Variants in SETD3 observed in about 807,000 individuals in gnomAD.
SETD3 encodes the protein SET domain containing 3, actin N3(tau)-histidine methyltransferase.
SETD3 carries 19 observed loss-of-function variants against 63.0 expected under a neutral mutation model. That is an observed-to-expected ratio of 0.30 (90% confidence interval 0.21 to 0.44). The LOEUF (loss-of-function observed/expected upper bound fraction) is 0.44, where lower values mean the gene tolerates loss of function less well. Ranked by LOEUF, SETD3 falls within the 20% of genes least tolerant of loss-of-function variation. SETD3 has a pLI of 1.00. For synonymous variants in SETD3, 286 were observed against 264.1 expected (o/e 1.08, Z -0.80); for missense variants, 587 against 728.5 (o/e 0.81, Z 2.24).
rs1465481392 is a variant in SETD3, at chr14:99,401,710, C to G, written c.1178-1451G>C. Among the ~76,000 whole-genome samples the G allele has an allele frequency of 2.0e-5, 3 of 152,256 alleles. No homozygotes were observed. The East Asian group carries it at 5.8e-4, about 29-fold the overall frequency. ...GTCATTTTATATTCTTTGCATACAA[C>G]ATGGACGTTCTGTTTTTTTAAGCTT... On this transcript the variant is annotated intron_variant, in intron 11 of 12. Transcript: ENST00000331768.
chr14:99,475,187 G>A (rs897361381), intron 1 of SETD3, among the ~76,000 whole-genome samples: 1 of 152,192 alleles, frequency 6.6e-6, no homozygotes, highest in Non-Finnish European at 1.5e-5. Flanking sequence ...TCCTTAACAT[G>A]AGGATTCTGG....
chr14:99,418,595 G>T (rs1281125678), intron 6 of SETD3, among the ~76,000 whole-genome samples: 1 of 152,140 alleles, frequency 6.6e-6, no homozygotes, highest in Non-Finnish European at 1.5e-5. Flanking sequence ...ATCCTCCCTA[G>T]GCCCACTGTG....
chr14:99,435,105 T>C (rs1893406067), intron 6 of SETD3, among the ~76,000 whole-genome samples: 2 of 152,160 alleles, frequency 1.3e-5, no homozygotes, highest in African/African-American at 4.8e-5. Flanking sequence ...TCTGATACCA[T>C]TTACCACCAG....
At chr14:99,452,238 C>T (rs1414360152) in intron 6 of SETD3, among the ~76,000 whole-genome samples, 2 of 152,224 alleles carry the variant, frequency 1.3e-5, no homozygotes, top group African/African-American at 2.4e-5. Flanking sequence ...TCCCAAGTAG[C>T]TGGGATTACA....
At chr14:99,414,846 G>C (rs116645958) in intron 6 of SETD3, among the ~76,000 whole-genome samples, 105 of 152,312 alleles carry the variant, frequency 6.9e-4, no homozygotes, top group African/African-American at 2.5e-3. Flanking sequence ...ATGAAATCCT[G>C]CTGAAGCCGG....
chr14:99,430,670 C>A (rs1465418078), intron 6 of SETD3, among the ~76,000 whole-genome samples: 1 of 152,128 alleles, frequency 6.6e-6, no homozygotes, highest in African/African-American at 2.4e-5. Context: ...GCTCACGTGG[C>A]GCCACTGAGG....
chr14:99,463,349 C>A, intron 3 of SETD3, 137 bp downstream of exon 3: 1 of 617,850 alleles, frequency 1.6e-6, no homozygotes, highest in Non-Finnish European at 2.8e-6. Context: ...CTCTCTCTCC[C>A]GGTCTGCAAG....
intron 6 of SETD3, among the ~76,000 whole-genome samples, chr14:99,453,131 A>C (rs1350454395): frequency 6.6e-6 from 1 of 152,170 alleles, no homozygotes; most frequent in South Asian, 2.1e-4. Flanking sequence ...TCTCTCCCTG[A>C]GTGACAATGC....
intron 1 of SETD3, among the ~76,000 whole-genome samples, chr14:99,471,652 A>C (rs1895712598): frequency 6.6e-6 from 1 of 152,250 alleles, no homozygotes; most frequent in Non-Finnish European, 1.5e-5. Context: ...TCTCAAAAAA[A>C]ACTTTTTTAA....
chr14:99,473,399 T>G (rs1224459632), intron 1 of SETD3, among the ~76,000 whole-genome samples: 2 of 152,236 alleles, frequency 1.3e-5, no homozygotes, highest in African/African-American at 4.8e-5. Flanking sequence ...TGCATTTTTT[T>G]TCAAACACTC....
At chr14:99,404,743 A>G (rs890558141) in intron 10 of SETD3, among the ~76,000 whole-genome samples, 4 of 152,194 alleles carry the variant, frequency 2.6e-5, no homozygotes, top group Non-Finnish European at 4.4e-5. Context: ...TTCCCTGGAG[A>G]ACTAATGAAT....
chr14:99,413,886 C>T lies in SETD3; in HGVS notation c.724G>A (p.Glu242Lys), dbSNP rs1412251352. The change falls in exon 7 of 13, where the codon GAG (glutamate) becomes AAG (lysine). Residue 242 changes from glutamate to lysine, a missense_variant. Physicochemically the swap from Glu to Lys is moderately conservative, Grantham distance 56. Transcript: ENST00000331768. ...KLPLKDSFTY[E>K]DYRWAVSSVM... ...ACAGCCCACACCAACCTGTAGTCCTCGTAAGTGAAAGAATCCTTCAAGGGT... is the reference window on the plus strand; with the variant it reads ...ACAGCCCACACCAACCTGTAGTCCTTGTAAGTGAAAGAATCCTTCAAGGGT... The T allele has an allele frequency of 3.1e-6, 5 of 1,613,948 alleles. No homozygotes were observed. Among genetic ancestry groups the T allele is most frequent in the African/African-American group, 2.7e-5 (2 of 74,914 alleles).
Position 99,465,260 on chromosome 14 carries a change from C to CA in SETD3, c.103+442dup, listed in dbSNP as rs747209609. Among the ~76,000 whole-genome samples the CA allele has an allele frequency of 2.0e-5, 3 of 152,214 alleles. No individual in the cohort carries two copies. The South Asian group carries it at 6.2e-4, about 32-fold the overall frequency. On this transcript the variant is annotated intron_variant, in intron 2 of 12. Transcript: ENST00000331768. ...GGCACGCTGGACTCCCCTGGGCCAA[C>CA]AGCCCGTGAAGTACCTTCACACACC...
chr14:99,420,968 GGGGGGGGGT>G (rs1892561248), intron 6 of SETD3, among the ~76,000 whole-genome samples: 1 of 100,338 alleles, frequency 1.0e-5, no homozygotes, highest in African/African-American at 3.9e-5. Flanking sequence ...GGGGGGGGGG[GGGGGGGGGT>G]GGGAGGTGCA....
intron 8 of SETD3, chr14:99,411,654 C>A (rs570454811): frequency 6.6e-6 from 1 of 152,194 alleles, no homozygotes; most frequent in Non-Finnish European, 1.5e-5. Flanking sequence ...AAAAACACTA[C>A]AGTCAGATAT....
rs775536479 is a variant in SETD3 at position 99,399,050 on chromosome 14, T to C, written c.1414A>G (p.Lys472Glu). 1 of 1,614,168 alleles carries C rather than the reference T, an allele frequency of 6.2e-7. No homozygotes were observed. Among genetic ancestry groups the C allele is most frequent in the Admixed American group, 1.7e-5 (1 of 60,024 alleles). ...TTTACTGCTTTTTCCAAAATCTCTT[T>C]CTCACCTAAGCGCAATTTGATGGCC... ...KMAIKLRLGE[K>E]EILEKAVKSA... The change falls in exon 13 of 13, where the codon AAA (lysine) becomes GAA (glutamate). Residue 472 changes from lysine (K) to glutamate (E), a missense_variant. Transcript: ENST00000331768.
chr14:99,455,745 C>T (rs1894720771), intron 6 of SETD3, among the ~76,000 whole-genome samples: 1 of 152,088 alleles, frequency 6.6e-6, no homozygotes. Flanking sequence ...TTTCTCAGCA[C>T]TTCTGACATT....
At chr14:99,405,178 A>G (rs764848817) in intron 10 of SETD3, 27 bp downstream of exon 10, 1 of 1,599,478 alleles carries the variant, frequency 6.3e-7, no homozygotes, top group Non-Finnish European at 8.5e-7. Context: ...ACTGCAAGAA[A>G]GGGCCAACCG....
At chr14:99,407,630 AG>A (rs200056025) in intron 8 of SETD3, among the ~76,000 whole-genome samples, 1,743 of 152,264 alleles carry the variant, frequency 0.011, 18 homozygotes, top group Middle Eastern at 0.024. Flanking sequence ...CTCCAGCTTC[AG>A]GAACTGCCAC....
Sources: allele counts gnomAD v4.1 joint callset (sites outside exome capture counted in the v4.1 genomes callset), GRCh38; gene constraint gnomAD v4.1.1; transcripts MANE v1.5; gene names NCBI Gene and HGNC (gene_info 2026-07-23, HGNC 2026-07-21).